Variants in CASK observed in about 807,000 individuals in gnomAD.
The protein encoded by CASK is calcium/calmodulin dependent serine protein kinase.
CASK carries 4 observed loss-of-function variants against 82.9 expected under a neutral mutation model. The observed-to-expected ratio is 0.05, with a 90% CI of 0.02 to 0.11. The LOEUF (loss-of-function observed/expected upper bound fraction) is 0.11, where lower values mean the gene tolerates loss of function less well. Ranked by LOEUF, CASK falls within the 10% of genes least tolerant of loss-of-function variation. CASK has a pLI of 1.00. For missense variants in CASK, 358 were observed against 720.9 expected (o/e 0.50, Z 5.76); for synonymous variants, 259 against 253.5 (o/e 1.02, Z -0.20).
chrX:41,825,042 A>C (rs1292568800), intron 2 of CASK, among the ~76,000 whole-genome samples: 1 of 112,030 alleles, frequency 8.9e-6, no homozygotes, highest in African/African-American at 3.2e-5. Flanking sequence ...GCAGATAATA[A>C]TTTAATGGTA....
At chrX:41,713,771 C>T (rs758446322) in intron 5 of CASK, among the ~76,000 whole-genome samples, 2 of 111,477 alleles carry the variant, frequency 1.8e-5, no homozygotes, top group African/African-American at 6.5e-5. Context: ...AGTCATGGGA[C>T]TCATCTAAGC....
intron 1 of CASK, among the ~76,000 whole-genome samples, chrX:41,921,817 T>G (rs139864276): frequency 9.5e-6 from 1 of 105,509 alleles, no homozygotes; most frequent in Non-Finnish European, 1.9e-5. Flanking sequence ...TTTAAGGTCT[T>G]GGTTTCATTT....
Position 41,557,113 on chromosome X carries a change from A to G in CASK, c.1738-13T>C. On this transcript the variant is annotated splice_polypyrimidine_tract_variant and intron_variant, in intron 18 of 26. Coordinates refer to ENST00000378163, the MANE Select transcript of CASK (RefSeq NM_001367721.1). Reference sequence around the variant, plus strand: ...AAGGGGAATCTCTCTGAAATAAGACACAAGGTTCATTAACACAGAACACCA... The same window carrying G: ...AAGGGGAATCTCTCTGAAATAAGACGCAAGGTTCATTAACACAGAACACCA... 1 of 1,171,606 alleles carries G rather than the reference A, an allele frequency of 8.5e-7. No individual in the cohort carries two copies. The highest frequency in any genetic ancestry group is 1.2e-6 in the Non-Finnish European group (1 of 858,686).
At chrX:41,705,093 G>A (rs2067863122) in intron 5 of CASK, among the ~76,000 whole-genome samples, 2 of 112,300 alleles carry the variant, frequency 1.8e-5, no homozygotes, top group Non-Finnish European at 3.8e-5. Context: ...GGAGGTGGGG[G>A]AAGTAACTCA....
chrX:41,835,523 T>C (rs1168775926), intron 2 of CASK, among the ~76,000 whole-genome samples: 1 of 112,381 alleles, frequency 8.9e-6, no homozygotes, highest in Non-Finnish European at 1.9e-5. Context: ...TTGAGAGCTC[T>C]ATTATATAAA....
chrX:41,882,790 A>G (rs376330331), intron 1 of CASK, among the ~76,000 whole-genome samples: 2 of 111,436 alleles, frequency 1.8e-5, no homozygotes, highest in South Asian at 3.8e-4. Flanking sequence ...TTTTTTCTTG[A>G]CCATTTACCC....
At chrX:41,764,906 C>T (rs1166216516) in intron 3 of CASK, among the ~76,000 whole-genome samples, 4 of 112,365 alleles carry the variant, frequency 3.6e-5, no homozygotes, top group African/African-American at 1.3e-4. Flanking sequence ...TCTTAAAAGT[C>T]CCATCAAAAT....
At chrX:41,720,663 C>T (rs186098800) in intron 5 of CASK, among the ~76,000 whole-genome samples, 3 of 111,299 alleles carry the variant, frequency 2.7e-5, no homozygotes, top group African/African-American at 9.8e-5. Context: ...AGATGAAGCA[C>T]ATGGCTTCAG....
chrX:41,823,287 C>T (rs748540141), intron 2 of CASK, among the ~76,000 whole-genome samples: 1 of 108,824 alleles, frequency 9.2e-6, no homozygotes, highest in South Asian at 4.2e-4. Context: ...CACCCTCCAC[C>T]TGCTGCCTAT....
At chrX:41,609,861 T>A in intron 12 of CASK, 43 bp downstream of exon 12, 1 of 1,199,386 alleles carries the variant, frequency 8.3e-7, no homozygotes, top group Non-Finnish European at 1.1e-6. Context: ...CCGGCCAATA[T>A]TCAATTCACC....
At chrX:41,734,182 T>C (rs933522874) in intron 5 of CASK, among the ~76,000 whole-genome samples, 4 of 112,135 alleles carry the variant, frequency 3.6e-5, no homozygotes, top group Non-Finnish European at 5.6e-5. Flanking sequence ...CCATTCAGAA[T>C]AGAAAGTGAT....
At chrX:41,904,962 T>C (rs1431400475) in intron 1 of CASK, among the ~76,000 whole-genome samples, 6 of 112,346 alleles carry the variant, frequency 5.3e-5, no homozygotes, top group Non-Finnish European at 1.1e-4. Flanking sequence ...ACAGTATATA[T>C]GTACCACATT....
intron 14 of CASK, among the ~76,000 whole-genome samples, chrX:41,580,771 T>C (rs143458450): frequency 1.2e-4 from 13 of 112,135 alleles, no homozygotes; most frequent in Non-Finnish European, 2.1e-4. Context: ...AAACCAAAAT[T>C]TGAACATTTT....
chrX:41,590,510 CAAAAAAAAAAAAA>C (rs763695085), intron 12 of CASK, among the ~76,000 whole-genome samples: 1 of 31,321 alleles, frequency 3.2e-5, no homozygotes, highest in East Asian at 1.1e-3. Context: ...ATTCCGTCTC[CAAAAAAAAAAAAA>C]AAAAAAAAAA....
intron 11 of CASK, among the ~76,000 whole-genome samples, chrX:41,621,394 A>G (rs1047883370): frequency 5.4e-5 from 6 of 111,935 alleles, no homozygotes; most frequent in African/African-American, 1.9e-4. Context: ...ACTGTCTCTC[A>G]CTTTTGCCCC....
intron 2 of CASK, among the ~76,000 whole-genome samples, chrX:41,840,652 A>C (rs1453613777): frequency 2.7e-5 from 3 of 112,268 alleles, no homozygotes; most frequent in Non-Finnish European, 3.8e-5. Flanking sequence ...TCCTGGCCTC[A>C]TTCCCAATTT....
At chrX:41,605,751 T>A (rs2065951096) in intron 12 of CASK, among the ~76,000 whole-genome samples, 1 of 111,887 alleles carries the variant, frequency 8.9e-6, no homozygotes, top group Non-Finnish European at 1.9e-5. Context: ...TGATCTTAGC[T>A]CACTGCTACG....
intron 3 of CASK, among the ~76,000 whole-genome samples, chrX:41,764,762 A>C (rs1182547435): frequency 9.0e-6 from 1 of 111,701 alleles, no homozygotes; most frequent in Non-Finnish European, 1.9e-5. Flanking sequence ...AATTCTCCCC[A>C]TATCCAAATG....
chrX:41,534,829 T>C, intron 23 of CASK, 43 bp from the exon 24 acceptor site: 1 of 1,159,333 alleles, frequency 8.6e-7, no homozygotes, highest in Non-Finnish European at 1.2e-6. Flanking sequence ...TGACAACTCT[T>C]AATAATGTTC....
Sources: gnomAD v4.1 joint callset for allele counts (sites outside exome capture counted in the v4.1 genomes callset) on GRCh38, gnomAD v4.1.1 for gene constraint, MANE v1.5 for transcripts, NCBI Gene and HGNC (gene_info 2026-07-23, HGNC 2026-07-21) for gene names.